PTPN9: variants seen among roughly 807,000 people sequenced by gnomAD.
The protein encoded by PTPN9 is tyrosine-protein phosphatase non-receptor type 9.
A neutral mutation model predicts 69.8 loss-of-function variants in PTPN9; 26 were observed. The ratio of observed to expected loss-of-function variants is 0.37; its 90% CI spans 0.27 to 0.52. The LOEUF (loss-of-function observed/expected upper bound fraction) is 0.52, where lower values mean the gene tolerates loss of function less well. Among genes scored for constraint, PTPN9 ranks in the 20% least tolerant of loss-of-function variants. The pLI, the probability that PTPN9 is intolerant of heterozygous loss-of-function variation, is 0.91. For missense variants in PTPN9, 549 were observed against 740.3 expected (o/e 0.74, Z 3.00); for synonymous variants, 274 against 272.5 (o/e 1.01, Z -0.05).
intron 1 of PTPN9, among the ~76,000 whole-genome samples, chr15:75,561,360 T>A (rs1381184953): frequency 6.6e-6 from 1 of 150,778 alleles, no homozygotes; most frequent in African/African-American, 2.4e-5. Flanking sequence ...TTTTGGAAAA[T>A]TTTCTTCCTC....
chr15:75,495,022 TTAAA>T (rs1306250875), intron 7 of PTPN9, among the ~76,000 whole-genome samples: 1 of 151,974 alleles, frequency 6.6e-6, no homozygotes, highest in Non-Finnish European at 1.5e-5. Context: ...AGACCCCATC[TTAAA>T]TAAATAAATA....
intron 1 of PTPN9, among the ~76,000 whole-genome samples, chr15:75,537,771 A>AAAAAAAAAAAAAAAAAAAAAC (rs2074990787): frequency 7.3e-6 from 1 of 136,802 alleles, no homozygotes; most frequent in Non-Finnish European, 1.6e-5. Context: ...AAAAAAAAAA[A>AAAAAAAAAAAAAAAAAAAAAC]AAAAAGGCCA....
At chr15:75,511,521 G>C (rs2074845252) in intron 5 of PTPN9, among the ~76,000 whole-genome samples, 1 of 152,198 alleles carries the variant, frequency 6.6e-6, no homozygotes. Flanking sequence ...TGGGATTCCA[G>C]GTGTGAGCCT....
In PTPN9 at chr15:75,468,793, G is replaced by A. The variant is rs780383869; in HGVS notation, c.1758C>T (p.Asn586=). 4.3e-6 allele frequency: 7 copies of A among 1,613,952 alleles called. No individual in the cohort carries two copies. The South Asian group carries it at 7.7e-5, about 18-fold the overall frequency. ...EKEGMVSSGQ[N]LLAVESQ ...GTTACTGACTCTCCACGGCCAGCAG[G>A]TTTTGGCCAGAGGATACCATGCCCT... is the stretch of plus-strand genomic sequence containing the variant. The change falls in exon 13 of 13, where the codon AAC becomes AAT. Residue 586 remains asparagine (N), a synonymous_variant. Transcript: ENST00000618819.
intron 5 of PTPN9, among the ~76,000 whole-genome samples, chr15:75,515,443 A>AAG (rs2074864782): frequency 6.6e-6 from 1 of 151,442 alleles, no homozygotes; most frequent in South Asian, 2.1e-4. Flanking sequence ...AAAAAAAAAA[A>AAG]AAAGAAATCT....
intron 2 of PTPN9, among the ~76,000 whole-genome samples, chr15:75,524,692 C>T (rs2074919566): frequency 1.4e-5 from 2 of 144,760 alleles, no homozygotes; most frequent in Non-Finnish European, 3.0e-5. Context: ...GCAGGAGAAT[C>T]GCTTGAACCC....
intron 10 of PTPN9, among the ~76,000 whole-genome samples, chr15:75,471,771 C>T (rs1037199000): frequency 6.6e-6 from 1 of 151,726 alleles, no homozygotes; most frequent in African/African-American, 2.4e-5. Flanking sequence ...AAAAATTAGC[C>T]AGGCATGGTG....
Position 75,527,225 on chromosome 15 carries a change from T to C in PTPN9, c.100A>G (p.Thr34Ala). ...KQFLEEINKWTVQYNVSPLSW... is the reference protein window; with the variant it reads ...KQFLEEINKWAVQYNVSPLSW... Reference sequence around the variant, plus strand: ...AGCGGGGAAACATTGTACTGAACTGTCCACTTGTTAATCTCTTCGAGAAAC... The same window carrying C: ...AGCGGGGAAACATTGTACTGAACTGCCCACTTGTTAATCTCTTCGAGAAAC... Residue 34 changes from threonine (T) to alanine (A), a missense_variant, in exon 2 of 13, where the codon ACA becomes GCA. Transcript: ENST00000618819. 6.2e-7 allele frequency: 1 copy of C among 1,614,136 alleles called. No individual in the cohort carries two copies. Among genetic ancestry groups the C allele is most frequent in the Non-Finnish European group, 8.5e-7 (1 of 1,180,008 alleles).
At chr15:75,491,160 T>G (rs911619277) in intron 7 of PTPN9, among the ~76,000 whole-genome samples, 5 of 150,910 alleles carry the variant, frequency 3.3e-5, no homozygotes, top group African/African-American at 1.2e-4. Flanking sequence ...CCCAGCACTT[T>G]GGGAGGCCAA....
chr15:75,479,099 G>A (rs895459239), intron 9 of PTPN9, among the ~76,000 whole-genome samples: 2 of 152,182 alleles, frequency 1.3e-5, no homozygotes, highest in African/African-American at 4.8e-5. Context: ...ACGAGGTCAG[G>A]AGTTCGAGAC....
At chr15:75,546,731 G>C (rs2075034969) in intron 1 of PTPN9, among the ~76,000 whole-genome samples, 1 of 152,010 alleles carries the variant, frequency 6.6e-6, no homozygotes, top group African/African-American at 2.4e-5. Flanking sequence ...GGCACAGAAA[G>C]CCTGATAAAT....
At chr15:75,570,363 G>T (rs1296598420) in intron 1 of PTPN9, 1 of 152,194 alleles carries the variant, frequency 6.6e-6, no homozygotes, top group Non-Finnish European at 1.5e-5. Flanking sequence ...GAAAAGGGAA[G>T]TTCTTGGCCG....
intron 5 of PTPN9, among the ~76,000 whole-genome samples, chr15:75,512,020 T>C (rs2074847925): frequency 6.6e-6 from 1 of 152,002 alleles, no homozygotes; most frequent in Non-Finnish European, 1.5e-5. Flanking sequence ...CTTTTTTGTA[T>C]TTTTAGCAGA....
intron 1 of PTPN9, among the ~76,000 whole-genome samples, chr15:75,565,176 C>CCACCTCTG (rs1555457556): frequency 6.6e-6 from 1 of 150,948 alleles, no homozygotes; most frequent in Non-Finnish European, 1.5e-5. Flanking sequence ...TAAAATCCCT[C>CCACCTCTG]CACCTCTGAA....
rs530606789 is a variant in PTPN9 at position 75,463,258 on chromosome 15, C to T, written c.*5511G>A. 1.1e-4 allele frequency: 17 copies of T among 152,200 alleles called. No homozygotes were observed. Among genetic ancestry groups the T allele is most frequent in the African/African-American group, 3.9e-4 (16 of 41,510 alleles). 9.4% of individuals were successfully genotyped at this position (152,200 alleles called of 1,614,324 possible). A position where few individuals can be genotyped will look rare whatever the true frequency, so the allele number is the denominator to read the frequency against. ...CTCCAGACTTCCACTGGATGCTGGC[C>T]ACAGAAAATTTTTTATTAAAAATAC... On this transcript the variant is annotated 3_prime_UTR_variant, in exon 13 of 13. Transcript: ENST00000618819.
chr15:75,505,729 T>A lies in PTPN9; in HGVS notation c.914A>T (p.Glu305Val). ...CTCACGACGAATGTCTTCATATTCC[T>A]CATAGATTCCTTGCTTTTGCCTGGC... Reference protein sequence around the residue: ...VNARQKQGIYEEYEDIRRENP... With the variant: ...VNARQKQGIYVEYEDIRRENP... The change falls in exon 7 of 13, where the codon GAG becomes GTG. Residue 305 changes from glutamate to valine, a missense_variant. Around this residue, in one of 3 missense-constraint regions of PTPN9, gnomAD observed 457 missense variants for 661.9 expected, o/e 0.69. Transcript: ENST00000618819. The A allele has an allele frequency of 6.2e-7, 1 of 1,614,094 alleles. No homozygotes were observed. The highest frequency in any genetic ancestry group is 8.5e-7 in the Non-Finnish European group (1 of 1,179,978).
intron 1 of PTPN9, among the ~76,000 whole-genome samples, chr15:75,545,283 G>A (rs2075027241): frequency 6.6e-6 from 1 of 152,076 alleles, no homozygotes; most frequent in Non-Finnish European, 1.5e-5. Flanking sequence ...AAATACAGGA[G>A]AGGGCCGAGC....
At chr15:75,537,253 G>A (rs566832573) in intron 1 of PTPN9, among the ~76,000 whole-genome samples, 20 of 149,568 alleles carry the variant, frequency 1.3e-4, no homozygotes, top group African/African-American at 4.9e-4. Context: ...TCAGGAGGCT[G>A]AGGCAAGAGA....
intron 1 of PTPN9, among the ~76,000 whole-genome samples, chr15:75,542,865 T>C (rs764897189): frequency 4.0e-5 from 6 of 151,868 alleles, no homozygotes; most frequent in Non-Finnish European, 5.9e-5. Flanking sequence ...TTTTTAATTA[T>C]ACTTTTAAGT....
Sources: gnomAD v4.1 joint callset for allele counts (sites outside exome capture counted in the v4.1 genomes callset) on GRCh38, gnomAD v4.1.1 for gene constraint, gnomAD v4.1.1 regional missense constraint, MANE v1.5 for transcripts, NCBI Gene and HGNC (gene_info 2026-07-23, HGNC 2026-07-21) for gene names.